Variants in ROBO2 observed in about 807,000 individuals in gnomAD.
ROBO2 encodes roundabout homolog 2.
Under a neutral mutation model 160.8 loss-of-function variants are expected in ROBO2, and 53 were observed. The ratio of observed to expected loss-of-function variants is 0.33; its 90% CI spans 0.26 to 0.41. ROBO2 has a LOEUF of 0.41. Ranked by LOEUF, ROBO2 falls within the 10% of genes least tolerant of loss-of-function variation. The pLI is 1.00. For synonymous variants in ROBO2, 664 were observed against 611.7 expected (o/e 1.09, Z -1.26); for missense variants, 1,577 against 1,722.4 (o/e 0.92, Z 1.49).
intron 2 of ROBO2, among the ~76,000 whole-genome samples, chr3:77,360,254 C>CG (rs963622174): frequency 6.8e-6 from 1 of 146,976 alleles, no homozygotes; most frequent in Non-Finnish European, 1.5e-5. Flanking sequence ...GTAATGCAAC[C>CG]CCCCCCCCAA....
intron 2 of ROBO2, among the ~76,000 whole-genome samples, chr3:76,326,494 T>G (rs1328143939): frequency 1.3e-5 from 2 of 152,184 alleles, no homozygotes; most frequent in African/African-American, 4.8e-5. Context: ...TTATGTTGCA[T>G]AATGCATATA....
intron 2 of ROBO2, among the ~76,000 whole-genome samples, chr3:76,157,149 T>G (rs1226520653): frequency 6.6e-6 from 1 of 152,200 alleles, no homozygotes; most frequent in African/African-American, 2.4e-5. Flanking sequence ...CTGTAAGATT[T>G]CTTTAATGTC....
chr3:76,869,322 T>C (rs1462565444), intron 2 of ROBO2, among the ~76,000 whole-genome samples: 1 of 151,254 alleles, frequency 6.6e-6, no homozygotes, highest in Non-Finnish European at 1.5e-5. Flanking sequence ...GAATATTTTA[T>C]GTGCCTAGTA....
chr3:77,141,378 A>G (rs2076690530), intron 2 of ROBO2, among the ~76,000 whole-genome samples: 1 of 151,776 alleles, frequency 6.6e-6, no homozygotes, highest in Non-Finnish European at 1.5e-5. Flanking sequence ...ATGACCTACT[A>G]TTGGTCCCAC....
At chr3:76,675,181 C>G (rs756387284) in intron 2 of ROBO2, among the ~76,000 whole-genome samples, 1 of 152,164 alleles carries the variant, frequency 6.6e-6, no homozygotes, top group African/African-American at 2.4e-5. Flanking sequence ...CAACATGCCT[C>G]TGCAAATGTC....
chr3:77,462,625 A>G (rs1206488076), intron 2 of ROBO2, among the ~76,000 whole-genome samples: 1 of 152,216 alleles, frequency 6.6e-6, no homozygotes, highest in Non-Finnish European at 1.5e-5. Context: ...CACTCCGTCA[A>G]TATACTTTTT....
chr3:76,121,187 A>G (rs886744552), intron 2 of ROBO2, among the ~76,000 whole-genome samples: 1 of 152,180 alleles, frequency 6.6e-6, no homozygotes, highest in Admixed American at 6.6e-5. Context: ...CAATTTCACA[A>G]TCAGTCGAAT....
At chr3:76,406,275 G>A (rs1244425222) in intron 2 of ROBO2, among the ~76,000 whole-genome samples, 1 of 151,746 alleles carries the variant, frequency 6.6e-6, no homozygotes, top group Non-Finnish European at 1.5e-5. Context: ...AGTAAGTTTT[G>A]TGAAACATCC....
At chr3:77,552,856 T>G (rs2092968080) in intron 8 of ROBO2, among the ~76,000 whole-genome samples, 1 of 152,030 alleles carries the variant, frequency 6.6e-6, no homozygotes, top group Non-Finnish European at 1.5e-5. Flanking sequence ...TAGTTTTGAT[T>G]TTTCATACAG....
chr3:76,917,244 A>G (rs2076377720), intron 2 of ROBO2, among the ~76,000 whole-genome samples: 1 of 152,274 alleles, frequency 6.6e-6, no homozygotes, highest in Middle Eastern at 3.4e-3. Flanking sequence ...TCTGTTGCTT[A>G]TTATGCACTA....
At chr3:77,292,207 ACGGGTAAGC>A in intron 2 of ROBO2, among the ~76,000 whole-genome samples, 1 of 151,538 alleles carries the variant, frequency 6.6e-6, no homozygotes, top group Non-Finnish European at 1.5e-5. Context: ...TGATGGTTAA[ACGGGTAAGC>A]TGAGGCTAGA....
chr3:76,833,217 C>T lies in ROBO2; in HGVS notation c.110-264797C>T, dbSNP rs182521621. Among the ~76,000 whole-genome samples the T allele has an allele frequency of 1.7e-3, 264 of 152,174 alleles. 1 individual carries two copies. The highest frequency in any genetic ancestry group is 5.8e-3 in the African/African-American group (239 of 41,542). On this transcript the variant is annotated intron_variant, in intron 2 of 26. Coordinates refer to the ROBO2 transcript ENST00000487694. ...ACAAAGGAGAGGGTTTCAAATGCCCCTTAGGCCTGGTTATATAGTCCGCGG... is the reference window on the plus strand; with the variant it reads ...ACAAAGGAGAGGGTTTCAAATGCCCTTTAGGCCTGGTTATATAGTCCGCGG...
At chr3:76,711,593 T>C (rs548693923) in intron 2 of ROBO2, among the ~76,000 whole-genome samples, 9 of 152,264 alleles carry the variant, frequency 5.9e-5, no homozygotes, top group African/African-American at 1.7e-4. Flanking sequence ...TAAGCACCTG[T>C]CAAATGGCAG....
At chr3:76,014,787 G>T (rs1473056785) in intron 2 of ROBO2, among the ~76,000 whole-genome samples, 1 of 152,176 alleles carries the variant, frequency 6.6e-6, no homozygotes, top group Non-Finnish European at 1.5e-5. Flanking sequence ...AGTTGGCTGG[G>T]TGCAGTGGCA....
chr3:76,954,460 T>G (rs1474707673), intron 2 of ROBO2, among the ~76,000 whole-genome samples: 2 of 152,238 alleles, frequency 1.3e-5, no homozygotes, highest in Non-Finnish European at 2.9e-5. Context: ...TGGCCTCACC[T>G]GAATGGCATA....
intron 2 of ROBO2, among the ~76,000 whole-genome samples, chr3:76,523,415 G>A (rs779120280): frequency 6.6e-6 from 1 of 151,322 alleles, no homozygotes; most frequent in Non-Finnish European, 1.5e-5. Context: ...TTGTACCTTC[G>A]TCTGGAAATA....
At chr3:76,140,319 C>T (rs888807080) in intron 2 of ROBO2, among the ~76,000 whole-genome samples, 2 of 151,978 alleles carry the variant, frequency 1.3e-5, no homozygotes, top group African/African-American at 4.8e-5. Flanking sequence ...AAATCAACTA[C>T]ACTTTTTCAG....
intron 2 of ROBO2, among the ~76,000 whole-genome samples, chr3:77,469,938 G>A (rs2083185121): frequency 6.6e-6 from 1 of 152,138 alleles, no homozygotes; most frequent in African/African-American, 2.4e-5. Context: ...GTCCAGTTAA[G>A]TAGATAAGGA....
At chr3:77,257,043 T>C (rs1468290024) in intron 2 of ROBO2, among the ~76,000 whole-genome samples, 2 of 152,170 alleles carry the variant, frequency 1.3e-5, no homozygotes, top group Non-Finnish European at 2.9e-5. Flanking sequence ...GGAGCGAGGT[T>C]TCATATTACC....
Sources: allele counts gnomAD v4.1 joint callset (sites outside exome capture counted in the v4.1 genomes callset), GRCh38; gene constraint gnomAD v4.1.1; transcripts MANE v1.5; gene names NCBI Gene and HGNC (gene_info 2026-07-23, HGNC 2026-07-21).